AOC3: variants seen among roughly 807,000 people sequenced by gnomAD.
AOC3 encodes the protein amine oxidase copper containing 3.
AOC3 carries 47 observed loss-of-function variants against 55.4 expected under a neutral mutation model. The ratio of observed to expected loss-of-function variants is 0.85; its 90% CI spans 0.67 to 1.08. The LOEUF (loss-of-function observed/expected upper bound fraction) is 1.08, where lower values mean the gene tolerates loss of function less well. Among genes scored for constraint, AOC3 ranks in the 50% least tolerant of loss-of-function variants. AOC3 has a pLI of 0.00. For synonymous variants in AOC3, 386 were observed against 410.7 expected, an observed-to-expected ratio of 0.94 and a Z score of 0.73; for missense variants, 853 against 993.1, an observed-to-expected ratio of 0.86 and a Z score of 1.90.
Position 42,857,599 on chromosome 17 carries a change from G to C in AOC3, c.*1049G>C, listed in dbSNP as rs1449093421. 6.6e-6 allele frequency: 1 copy of C among 152,414 alleles called. No homozygotes were observed. Among genetic ancestry groups the C allele is most frequent in the Non-Finnish European group, 1.5e-5 (1 of 68,098 alleles). The allele number at this position is 152,414 out of a possible 1,614,324, so 9.4% of individuals were successfully genotyped here. On this transcript the variant is annotated 3_prime_UTR_variant, in exon 4 of 4. Transcript: ENST00000308423. The stretch of plus-strand genomic sequence containing the variant: ...TGCGAATGAGCTGGGCCCTGGGTGA[G>C]GTGGGGGTCTGGCCTAGTGGGGAGG...
At position 42,856,621 on chromosome 17, in the gene AOC3, A is replaced by C. The variant is rs2055753563; in HGVS notation, c.*71A>C. 4.5e-6 allele frequency: 6 copies of C among 1,343,396 alleles called. No individual in the cohort carries two copies. The highest frequency in any genetic ancestry group is 6.2e-6 in the Non-Finnish European group (6 of 974,240). 83.2% of individuals were successfully genotyped at this position (1,343,396 alleles called of 1,614,324 possible). On this transcript the variant is annotated 3_prime_UTR_variant, in exon 4 of 4. Coordinates refer to ENST00000308423, the MANE Select transcript of AOC3 (RefSeq NM_003734.4). ...TGTGAGGGATGGGGAGCAGCTGGGC[A>C]CTGGGCCGGCAGCCTGGTTCCCTCT...
chr17:42,851,708 G>A lies in AOC3; in HGVS notation c.365G>A (p.Arg122Gln), dbSNP rs2055668243. ...GACAGGGGGAGCCCCCCACCTGCCC[G>A]GGAGGCACTGGCCATCGTCTTCTTT... ...HLDRGSPPPA[R>Q]EALAIVFFGR... The change falls in exon 1 of 4, where the codon CGG becomes CAG. Residue 122 changes from arginine (R) to glutamine (Q), a missense_variant. Physicochemically the swap from Arg to Gln is conservative, Grantham distance 43. Transcript: ENST00000308423. 3.1e-6 allele frequency: 5 copies of A among 1,612,150 alleles called. No homozygotes were observed. Among genetic ancestry groups the A allele is most frequent in the Middle Eastern group, 1.7e-4 (1 of 5,718 alleles).
rs2055752104 is a variant in AOC3, at chr17:42,856,526, C to T, written c.2268C>T (p.Ser756=). The change falls in exon 4 of 4, where the codon TCC becomes TCT. Residue 756 remains serine (S), a synonymous_variant. Coordinates refer to ENST00000308423, the MANE Select transcript of AOC3 (RefSeq NM_003734.4). ...AACAPDLPAF[S]HGGFSHN is the part of the protein sequence containing the mutation. ...GTGCCCCCGACCTCCCTGCCTTCTC[C>T]CACGGGGGCTTCTCTCACAACTAGG... 6.2e-7 allele frequency: 1 copy of T among 1,605,496 alleles called. No homozygotes were observed. Among genetic ancestry groups the T allele is most frequent in the African/African-American group, 1.3e-5 (1 of 74,692 alleles).
rs1387533581 is a variant in AOC3, at chr17:42,857,804, T to G, written c.*1254T>G. The G allele has an allele frequency of 6.6e-6, 1 of 152,218 alleles. No individual in the cohort carries two copies. The highest frequency in any genetic ancestry group is 2.4e-5 in the African/African-American group (1 of 41,462). The allele number at this position is 152,218 out of a possible 1,614,324, so 9.4% of individuals were successfully genotyped here. A position where few individuals can be genotyped will look rare whatever the true frequency, so the allele number is the denominator to read the frequency against. ...AATCAATTCTGATACAGCCTTACAA[T>G]ACAATAGTATGCAGCTAAAAAATAA... On this transcript the variant is annotated 3_prime_UTR_variant, in exon 4 of 4. Transcript: ENST00000308423.
Position 42,851,770 on chromosome 17 carries a change from G to A in AOC3, c.427G>A (p.Val143Met). ...QPQPNVSELV[V>M]GPLPHPSYMR... is the part of the protein sequence containing the mutation. The stretch of plus-strand genomic sequence containing the variant: ...CCAGCCCAACGTGAGTGAGCTGGTG[G>A]TGGGGCCACTGCCTCACCCCTCCTA... Residue 143 changes from valine (V) to methionine (M), a missense_variant, in exon 1 of 4, where the codon GTG becomes ATG. By Grantham distance (21) the Val-to-Met change is conservative. Coordinates refer to ENST00000308423, the MANE Select transcript of AOC3 (RefSeq NM_003734.4). 1.2e-6 allele frequency: 2 copies of A among 1,613,036 alleles called. No individual in the cohort carries two copies. Among genetic ancestry groups the A allele is most frequent in the South Asian group, 1.1e-5 (1 of 91,072 alleles).
Position 42,852,599 on chromosome 17 carries a change from C to A in AOC3, c.1256C>A (p.Ser419Tyr), listed in dbSNP as rs765878171. Residue 419 changes from serine (S) to tyrosine (Y), a missense_variant, in exon 1 of 4, where the codon TCC (serine) becomes TAC (tyrosine). Physicochemically the swap from Ser to Tyr is moderately radical, Grantham distance 144. Transcript: ENST00000308423. ...TYVDWHFLLE[S>Y]QAPKTIRDAF... ...GTGGACTGGCACTTCCTTTTGGAGT[C>A]CCAGGCCCCCAAGACAATACGTGAT... The A allele has an allele frequency of 2.8e-5, 46 of 1,614,066 alleles. No individual in the cohort carries two copies. The highest frequency in any genetic ancestry group is 3.8e-5 in the Non-Finnish European group (45 of 1,180,046).
intron 1 of AOC3, chr17:42,853,495 T>A (rs966303692): frequency 2.2e-5 from 16 of 734,906 alleles, no homozygotes; most frequent in Non-Finnish European, 2.7e-5. Context: ...GGATAGATCC[T>A]GGAGTCTGGT....
chr17:42,851,398 G>C lies in AOC3; in HGVS notation c.55G>C (p.Ala19Pro), dbSNP rs750442359. 1 of 1,613,220 alleles carries C rather than the reference G, an allele frequency of 6.2e-7. No homozygotes were observed. The highest frequency in any genetic ancestry group is 1.3e-5 in the African/African-American group (1 of 74,912). ...LLILAVITIFALVCVLLVGRG... is the reference protein window; with the variant it reads ...LLILAVITIFPLVCVLLVGRG... ...CATTCTGGCCGTCATCACCATCTTTGCCTTGGTTTGTGTCCTGCTGGTGGG... is the reference window on the plus strand; with the variant it reads ...CATTCTGGCCGTCATCACCATCTTTCCCTTGGTTTGTGTCCTGCTGGTGGG... Residue 19 changes from alanine to proline, a missense_variant, in exon 1 of 4, where the codon GCC (alanine) becomes CCC (proline). Transcript: ENST00000308423.
In AOC3 at chr17:42,856,664, T is replaced by A; in HGVS notation, c.*114T>A. On this transcript the variant is annotated 3_prime_UTR_variant, in exon 4 of 4. Coordinates refer to ENST00000308423, the MANE Select transcript of AOC3 (RefSeq NM_003734.4). ...TTCCCTCTTTCCTGTGCCAGGACTCTCTTTCTTCCACTACCCTCCCTCGCA... is the reference window on the plus strand; with the variant it reads ...TTCCCTCTTTCCTGTGCCAGGACTCACTTTCTTCCACTACCCTCCCTCGCA... 1.6e-6 allele frequency: 2 copies of A among 1,284,566 alleles called. No homozygotes were observed. Among genetic ancestry groups the A allele is most frequent in the Non-Finnish European group, 2.1e-6 (2 of 935,558 alleles). The allele number at this position is 1,284,566 out of a possible 1,614,324, so 79.6% of individuals were successfully genotyped here.
chr17:42,855,208 C>T (rs1234321444), intron 2 of AOC3, among the ~76,000 whole-genome samples: 1 of 152,126 alleles, frequency 6.6e-6, no homozygotes, highest in Non-Finnish European at 1.5e-5. Flanking sequence ...AGGCTAAAGC[C>T]CAGGAGTGAG....
Position 42,856,603 on chromosome 17 carries a change from G to T in AOC3, c.*53G>T. On this transcript the variant is annotated 3_prime_UTR_variant, in exon 4 of 4. Coordinates refer to ENST00000308423, the MANE Select transcript of AOC3 (RefSeq NM_003734.4). ...AGGGCTCCAGGGCCAGGGTGTGAGG[G>T]ATGGGGAGCAGCTGGGCACTGGGCC... 2.9e-6 allele frequency: 4 copies of T among 1,358,568 alleles called. No homozygotes were observed. The highest frequency in any genetic ancestry group is 4.1e-6 in the Non-Finnish European group (4 of 980,380). The allele number at this position is 1,358,568 out of a possible 1,614,324, so 84.2% of individuals were successfully genotyped here.
Position 42,852,276 on chromosome 17 carries a change from T to C in AOC3, c.933T>C (p.Ala311=), listed in dbSNP as rs1168047673. 2.5e-6 allele frequency: 4 copies of C among 1,613,856 alleles called. No individual in the cohort carries two copies. Among genetic ancestry groups the C allele is most frequent in the East Asian group, 2.2e-5 (1 of 44,856 alleles). ...SLKSPVPPGP[A]PPLQFYPQGP... is the part of the protein sequence containing the mutation. ...AGTCCCCTGTGCCCCCGGGTCCAGC[T>C]CCCCCTCTACAGTTCTATCCCCAAG... Residue 311 remains alanine (A), a synonymous_variant, in exon 1 of 4, where the codon GCT becomes GCC. Coordinates refer to ENST00000308423, the MANE Select transcript of AOC3 (RefSeq NM_003734.4).
Position 42,852,402 on chromosome 17 carries a change from C to T in AOC3, c.1059C>T (p.Arg353=), listed in dbSNP as rs761544230. ...AFSGPRIFDV[R]FQGERLVYEI... is the part of the protein sequence containing the mutation. ...GTGGCCCAAGGATCTTTGACGTTCGCTTCCAAGGAGAAAGACTAGTTTATG... is the reference window on the plus strand; with the variant it reads ...GTGGCCCAAGGATCTTTGACGTTCGTTTCCAAGGAGAAAGACTAGTTTATG... The change falls in exon 1 of 4, where the codon CGC becomes CGT. Residue 353 remains arginine, a synonymous_variant. Coordinates refer to ENST00000308423, the MANE Select transcript of AOC3 (RefSeq NM_003734.4). 1.2e-6 allele frequency: 2 copies of T among 1,614,226 alleles called. No individual in the cohort carries two copies. The highest frequency in any genetic ancestry group is 2.2e-5 in the South Asian group (2 of 91,084).
In AOC3 at chr17:42,851,698, C is replaced by A; in HGVS notation, c.355C>A (p.Pro119Thr). ...GGCTCACTTGGACAGGGGGAGCCCC[C>A]CACCTGCCCGGGAGGCACTGGCCAT... The part of the protein sequence containing the change: ...ALAHLDRGSP[P>T]PAREALAIVF... Residue 119 changes from proline to threonine, a missense_variant, in exon 1 of 4, where the codon CCA becomes ACA. By Grantham distance (38) the Pro-to-Thr change is conservative. Transcript: ENST00000308423. 6 of 1,612,436 alleles carry A rather than the reference C, an allele frequency of 3.7e-6. No individual in the cohort carries two copies. The highest frequency in any genetic ancestry group is 5.1e-6 in the Non-Finnish European group (6 of 1,179,776).
chr17:42,854,703 G>A lies in AOC3; in HGVS notation c.1856G>A (p.Ser619Asn). 6.7e-7 allele frequency: 1 copy of A among 1,491,782 alleles called. No individual in the cohort carries two copies. Among genetic ancestry groups the A allele is most frequent in the Non-Finnish European group, 9.0e-7 (1 of 1,115,478 alleles). 92.4% of individuals were successfully genotyped at this position (1,491,782 alleles called of 1,614,324 possible). The change falls in exon 2 of 4, where the codon AGC becomes AAC. Residue 619 changes from serine (S) to asparagine (N), a missense_variant. Ser to Asn is a conservative substitution (Grantham distance 46, BLOSUM62 1). Transcript: ENST00000308423. Reference sequence around the variant, plus strand: ...GCTGGAGAGCCGCTGCCCCAAAACAGCTCCATGGCGAGAGGCTTCAGCTGG... The same window carrying A: ...GCTGGAGAGCCGCTGCCCCAAAACAACTCCATGGCGAGAGGCTTCAGCTGG... The part of the protein sequence containing the change: ...SFAGEPLPQN[S>N]SMARGFSWER...
Position 42,852,693 on chromosome 17 carries a change from C to T in AOC3, c.1350C>T (p.His450=). The change falls in exon 1 of 4, where the codon CAC becomes CAT. Residue 450 remains histidine (H), a synonymous_variant. Transcript: ENST00000308423. The part of the protein sequence containing the change: ...LRRHHSDLYS[H]YFGGLAETVL... ...GACACCACTCAGATCTCTACTCGCA[C>T]TACTTTGGGGGTCTTGCGGAAACGG... 6.2e-7 allele frequency: 1 copy of T among 1,614,246 alleles called. No individual in the cohort carries two copies. Among genetic ancestry groups the T allele is most frequent in the South Asian group, 1.1e-5 (1 of 91,088 alleles).
chr17:42,856,029 G>T (rs971117671), intron 3 of AOC3, among the ~76,000 whole-genome samples: 10 of 152,212 alleles, frequency 6.6e-5, no homozygotes, highest in African/African-American at 2.4e-4. Context: ...TAGCCTGTGG[G>T]TGTCACCCTC....
At chr17:42,853,198 G>A (rs1292551815) in intron 1 of AOC3, 13 of 1,344,064 alleles carry the variant, frequency 9.7e-6, no homozygotes, top group Non-Finnish European at 1.1e-5. Context: ...GGAGGAGGCA[G>A]GATTTGGGCT....
chr17:42,853,479 C>A, intron 1 of AOC3: 2 of 836,818 alleles, frequency 2.4e-6, no homozygotes, highest in Non-Finnish European at 2.9e-6. Context: ...TCCCGTGGAG[C>A]ATTCTGGATA....
Sources: gnomAD v4.1 joint callset for allele counts (sites outside exome capture counted in the v4.1 genomes callset) on GRCh38, gnomAD v4.1.1 for gene constraint, MANE v1.5 for transcripts, NCBI Gene and HGNC (gene_info 2026-07-23, HGNC 2026-07-21) for gene names.